Variants in CACNA2D3 observed in about 807,000 individuals in gnomAD.
CACNA2D3 encodes the protein calcium voltage-gated channel auxiliary subunit alpha2delta 3, also known as voltage-dependent calcium channel subunit alpha-2/delta-3.
CACNA2D3 carries 60 observed loss-of-function variants against 160.6 expected under a neutral mutation model. That is an observed-to-expected ratio of 0.37 (90% CI 0.30 to 0.46). The LOEUF (loss-of-function observed/expected upper bound fraction) is 0.46, where lower values mean the gene tolerates loss of function less well. CACNA2D3 is among the 20% of genes least tolerant of loss of function. The pLI is 1.00. For synonymous variants in CACNA2D3, 558 were observed against 492.9 expected (o/e 1.13, Z -1.75); for missense variants, 1,205 against 1,365.0 (o/e 0.88, Z 1.85).
intron 35 of CACNA2D3, among the ~76,000 whole-genome samples, chr3:55,025,093 C>A (rs1229418307): frequency 6.6e-6 from 1 of 152,156 alleles, no homozygotes; most frequent in African/African-American, 2.4e-5. Context: ...GTTCTTATTT[C>A]TATTCTAAGT....
intron 2 of CACNA2D3, among the ~76,000 whole-genome samples, chr3:54,146,597 G>C (rs548003090): frequency 2.6e-5 from 4 of 152,234 alleles, no homozygotes; most frequent in Non-Finnish European, 5.9e-5. Context: ...GTGGGGAAGG[G>C]GGGCGTGGCC....
chr3:54,930,673 G>A (rs546710694), intron 27 of CACNA2D3, among the ~76,000 whole-genome samples: 1 of 152,222 alleles, frequency 6.6e-6, no homozygotes, highest in African/African-American at 2.4e-5. Flanking sequence ...ATGGTCCTGG[G>A]AAAATCCCAG....
intron 11 of CACNA2D3, among the ~76,000 whole-genome samples, chr3:54,689,647 G>A (rs141302766): frequency 3.9e-4 from 60 of 152,088 alleles, no homozygotes; most frequent in African/African-American, 1.4e-3. Flanking sequence ...CATCCTTGAA[G>A]ACTCTTTCTC....
rs149372356 is a variant in CACNA2D3, at chr3:54,912,264, T to C, written c.2449+12396T>C. Among the ~76,000 whole-genome samples the C allele has an allele frequency of 2.2e-3, 329 of 152,310 alleles. 1 individual carries two copies. The highest frequency in any genetic ancestry group is 7.4e-3 in the African/African-American group (309 of 41,564). On this transcript the variant is annotated intron_variant, in intron 27 of 37. Transcript: ENST00000474759. ...ACTTAATCTTGGAATGGATATCTTA[T>C]TACTTTTCCCATATTCTGTTTGTTT...
intron 3 of CACNA2D3, among the ~76,000 whole-genome samples, chr3:54,327,922 A>C (rs1490388693): frequency 1.3e-5 from 2 of 152,212 alleles, no homozygotes. Flanking sequence ...GTCAATGAAT[A>C]TAGATTTCTA....
At chr3:54,639,812 T>G (rs1241177140) in intron 10 of CACNA2D3, 2 of 153,550 alleles carry the variant, frequency 1.3e-5, no homozygotes, top group African/African-American at 4.8e-5. Context: ...CGAGGCTGTT[T>G]ATTTCACCTG....
At chr3:54,863,722 T>TAA (rs1274224121) in intron 17 of CACNA2D3, among the ~76,000 whole-genome samples, 2 of 135,180 alleles carry the variant, frequency 1.5e-5, no homozygotes, top group South Asian at 2.4e-4. Context: ...TGTTTTTTTT[T>TAA]AAAAAAAAAA....
chr3:54,836,651 C>T (rs1698697448), intron 14 of CACNA2D3, among the ~76,000 whole-genome samples: 2 of 152,156 alleles, frequency 1.3e-5, no homozygotes, highest in Non-Finnish European at 2.9e-5. Flanking sequence ...CTGGGACTGG[C>T]ATTCAGAGAC....
chr3:54,717,551 GT>G (rs1315766679), intron 11 of CACNA2D3, among the ~76,000 whole-genome samples: 19 of 7,300 alleles, frequency 2.6e-3, no homozygotes, highest in East Asian at 0.02. Context: ...TGCATGTGTG[GT>G]GTGTGTGTGT....
At position 55,064,557 on chromosome 3, in the gene CACNA2D3, C is replaced by CA. The variant is rs541437400; in HGVS notation, c.2988-8887dup. Among the ~76,000 whole-genome samples, 13 of 152,312 alleles carry CA rather than the reference C, an allele frequency of 8.5e-5. No homozygotes were observed. In the South Asian group the frequency reaches 2.7e-3, roughly 32 times the overall value. On this transcript the variant is annotated intron_variant, in intron 35 of 37. Transcript: ENST00000474759. ...CAGCCCTCCTCTCTCCACTCCTGTGCATGCCCCATTGGCCTCTGGACTTCA... is the reference window on the plus strand; with the variant it reads ...CAGCCCTCCTCTCTCCACTCCTGTGCAATGCCCCATTGGCCTCTGGACTTCA...
At chr3:54,356,023 A>G (rs1293803642) in intron 3 of CACNA2D3, among the ~76,000 whole-genome samples, 3 of 146,066 alleles carry the variant, frequency 2.1e-5, no homozygotes, top group Non-Finnish European at 4.5e-5. Flanking sequence ...GGCTGGACCA[A>G]CCACATCCTG....
At chr3:54,737,182 A>ATGTGTGTGTGTG (rs4025817) in intron 11 of CACNA2D3, among the ~76,000 whole-genome samples, 20 of 147,490 alleles carry the variant, frequency 1.4e-4, no homozygotes, top group Non-Finnish European at 2.2e-4. Flanking sequence ...CCATGTGTAT[A>ATGTGTGTGTGTG]TGTGTGTGTG....
chr3:54,759,900 CA>C (rs1702048419), intron 12 of CACNA2D3, among the ~76,000 whole-genome samples: 1 of 152,128 alleles, frequency 6.6e-6, no homozygotes, highest in Non-Finnish European at 1.5e-5. Context: ...TCATCCAGGA[CA>C]AATTACTGAC....
chr3:54,165,933 A>C (rs1258329126), intron 2 of CACNA2D3, among the ~76,000 whole-genome samples: 1 of 152,330 alleles, frequency 6.6e-6, no homozygotes, highest in Non-Finnish European at 1.5e-5. Context: ...CACCAGAAAT[A>C]TGCATTTGAT....
At chr3:54,545,941 G>T (rs868639550) in intron 5 of CACNA2D3, among the ~76,000 whole-genome samples, 96 of 152,196 alleles carry the variant, frequency 6.3e-4, no homozygotes, top group African/African-American at 2.2e-3. Context: ...ATAGGTTTAA[G>T]CAGGTTGGCA....
chr3:54,536,069 C>A (rs1701884622), intron 5 of CACNA2D3, among the ~76,000 whole-genome samples: 1 of 152,176 alleles, frequency 6.6e-6, no homozygotes, highest in Admixed American at 6.5e-5. Flanking sequence ...TTTATGTATT[C>A]CATCTAAAAA....
chr3:54,182,852 CAG>C (rs953116051), intron 2 of CACNA2D3, among the ~76,000 whole-genome samples: 6 of 152,224 alleles, frequency 3.9e-5, no homozygotes, highest in African/African-American at 1.4e-4. Context: ...AAATAACAAT[CAG>C]AGTCATGAAT....
chr3:54,321,382 AG>A (rs1703989231), intron 3 of CACNA2D3, among the ~76,000 whole-genome samples: 1 of 152,118 alleles, frequency 6.6e-6, no homozygotes, highest in African/African-American at 2.4e-5. Context: ...CCTGGGCTCT[AG>A]TGATCCTCCC....
At chr3:54,239,783 C>A (rs917702938) in intron 2 of CACNA2D3, among the ~76,000 whole-genome samples, 1 of 152,160 alleles carries the variant, frequency 6.6e-6, no homozygotes, top group African/African-American at 2.4e-5. Context: ...GAATTTTGGG[C>A]AAGTTATTTT....
Sources: allele counts gnomAD v4.1 joint callset (sites outside exome capture counted in the v4.1 genomes callset), GRCh38; gene constraint gnomAD v4.1.1; transcripts MANE v1.5; gene names NCBI Gene and HGNC (gene_info 2026-07-23, HGNC 2026-07-21).